The following TENM3 variants were observed in gnomAD, a reference collection of about 807,000 sequenced individuals.
TENM3 encodes teneurin transmembrane protein 3.
Under a neutral mutation model 255.1 loss-of-function variants are expected in TENM3, and 63 were observed. The observed-to-expected ratio is 0.25, with a 90% CI of 0.20 to 0.30. The LOEUF (loss-of-function observed/expected upper bound fraction) is 0.30, where lower values mean the gene tolerates loss of function less well. Among genes scored for constraint, TENM3 ranks in the 10% least tolerant of loss-of-function variants. The pLI is 1.00. For missense variants in TENM3, 2,929 were observed against 3,461.1 expected (o/e 0.85, Z 3.86); for synonymous variants, 1,306 against 1,322.3 (o/e 0.99, Z 0.27).
At chr4:181,600,456 A>G in the TENM3 span, among the ~76,000 whole-genome samples, 5 of 152,138 alleles carry the variant, frequency 3.3e-5, no homozygotes, top group Non-Finnish European at 7.4e-5. Context: ...TTGAGAGAAG[A>G]CTGGACCCTC....
At chr4:181,525,236 C>A in the TENM3 span, among the ~76,000 whole-genome samples, 2 of 151,806 alleles carry the variant, frequency 1.3e-5, no homozygotes, top group Non-Finnish European at 2.9e-5. Context: ...CATGGTGAAA[C>A]CCCGTCTCTA....
intron 3 of TENM3, among the ~76,000 whole-genome samples, chr4:182,456,233 G>C (rs1486255079): frequency 6.6e-6 from 1 of 152,162 alleles, no homozygotes; most frequent in Non-Finnish European, 1.5e-5. Flanking sequence ...TGGCCTGTCC[G>C]TGCTGTCAGC....
Position 182,535,245 on chromosome 4 carries a change from G to A in TENM3, c.512-65679G>A, listed in dbSNP as rs1193224851. ...TGGAAAATAAATTCTCAGTGAGACT[G>A]CTTACTTATTTTCAAACTCTGACCC... On this transcript the variant is annotated intron_variant, in intron 3 of 27. Transcript: ENST00000511685. Among the ~76,000 whole-genome samples, 3 of 152,286 alleles carry A rather than the reference G, an allele frequency of 2.0e-5. No individual in the cohort carries two copies. The East Asian group carries it at 5.8e-4, about 29-fold the overall frequency.
At chr4:181,748,459 C>A in the TENM3 span, among the ~76,000 whole-genome samples, 2 of 152,004 alleles carry the variant, frequency 1.3e-5, no homozygotes, top group African/African-American at 4.8e-5. Context: ...CACTCAAATG[C>A]CATCAAACTC....
intron 1 of TENM3, among the ~76,000 whole-genome samples, chr4:182,272,945 GA>G (rs1759744175): frequency 6.6e-6 from 1 of 152,168 alleles, no homozygotes. Context: ...GCAGGATCTG[GA>G]AGGGTTTTAA....
At chr4:182,069,527 C>T in the TENM3 span, among the ~76,000 whole-genome samples, 1 of 152,108 alleles carries the variant, frequency 6.6e-6, no homozygotes, top group African/African-American at 2.4e-5. Flanking sequence ...ATATGCACCC[C>T]ATTTTTATTT....
At chr4:181,983,257 A>G in the TENM3 span, among the ~76,000 whole-genome samples, 74 of 152,128 alleles carry the variant, frequency 4.9e-4, no homozygotes, top group East Asian at 1.9e-4. Flanking sequence ...AGCACCACAG[A>G]CAGTATATTA....
rs753811126 is a variant in TENM3 at position 182,730,120 on chromosome 4, A to T, written c.2586-80A>T. 8.4e-6 allele frequency: 13 copies of T among 1,553,102 alleles called. 1 individual carries two copies. The highest frequency in any genetic ancestry group is 1.1e-5 in the Non-Finnish European group (13 of 1,136,216). ...CATAGCATAGTGTTATTTTATCCTTAGGTTGAATTATCTATAAATCATGAT... is the reference window on the plus strand; with the variant it reads ...CATAGCATAGTGTTATTTTATCCTTTGGTTGAATTATCTATAAATCATGAT... On this transcript the variant is annotated intron_variant, in intron 14 of 27. Transcript: ENST00000511685.
the TENM3 span, among the ~76,000 whole-genome samples, chr4:182,135,428 C>T: frequency 6.6e-6 from 1 of 152,154 alleles, no homozygotes; most frequent in Non-Finnish European, 1.5e-5. Context: ...AGGTAATTCA[C>T]ACAACTGTGG....
chr4:181,659,455 A>G, the TENM3 span, among the ~76,000 whole-genome samples: 1 of 152,168 alleles, frequency 6.6e-6, no homozygotes, highest in Non-Finnish European at 1.5e-5. Flanking sequence ...TAACAATTCT[A>G]TGGGGAATAG....
chr4:181,451,681 C>A, the TENM3 span, among the ~76,000 whole-genome samples: 1 of 152,096 alleles, frequency 6.6e-6, no homozygotes, highest in African/African-American at 2.4e-5. Flanking sequence ...AAGGGGCCAA[C>A]AATGACTCTC....
chr4:181,886,048 G>GTTTTTTTTTTTT, the TENM3 span, among the ~76,000 whole-genome samples: 1 of 102,540 alleles, frequency 9.8e-6, no homozygotes, highest in Non-Finnish European at 2.0e-5. Flanking sequence ...TTTTTCTTGG[G>GTTTTTTTTTTTT]TTTTTTTTTT....
the TENM3 span, among the ~76,000 whole-genome samples, chr4:182,095,150 T>A: frequency 4.6e-5 from 7 of 152,210 alleles, no homozygotes; most frequent in East Asian, 1.4e-3. Context: ...AGAACCACCA[T>A]ATGATCCAGC....
intron 1 of TENM3, among the ~76,000 whole-genome samples, chr4:182,268,011 G>T (rs1759352147): frequency 6.6e-6 from 1 of 152,192 alleles, no homozygotes; most frequent in South Asian, 2.1e-4. Flanking sequence ...GATGGGTAAT[G>T]TAGAAATCTG....
intron 5 of TENM3, among the ~76,000 whole-genome samples, chr4:182,647,490 C>G (rs1055090944): frequency 2.0e-5 from 3 of 152,196 alleles, no homozygotes; most frequent in African/African-American, 7.2e-5. Context: ...ATTTTTATAA[C>G]TGACTGACTT....
chr4:181,816,404 C>A, the TENM3 span, among the ~76,000 whole-genome samples: 1 of 152,198 alleles, frequency 6.6e-6, no homozygotes, highest in Non-Finnish European at 1.5e-5. Flanking sequence ...CCCCTGCTGT[C>A]TTGACAGTCT....
intron 1 of TENM3, among the ~76,000 whole-genome samples, chr4:182,157,174 T>A (rs886233952): frequency 7.9e-5 from 12 of 152,090 alleles, no homozygotes; most frequent in Non-Finnish European, 1.3e-4. Flanking sequence ...TGCTAACAAA[T>A]AACAAAGGGG....
At chr4:181,954,309 A>G in the TENM3 span, among the ~76,000 whole-genome samples, 1 of 152,196 alleles carries the variant, frequency 6.6e-6, no homozygotes, top group Non-Finnish European at 1.5e-5. Flanking sequence ...TTATTGAGTC[A>G]TATACTAAAT....
chr4:182,612,355 A>G (rs1199841686), intron 4 of TENM3, among the ~76,000 whole-genome samples: 1 of 152,032 alleles, frequency 6.6e-6, no homozygotes, highest in Non-Finnish European at 1.5e-5. Context: ...TTAAACACAC[A>G]CAGAGTTTCA....
Sources: allele counts gnomAD v4.1 joint callset (sites outside exome capture counted in the v4.1 genomes callset), GRCh38; gene constraint gnomAD v4.1.1; transcripts MANE v1.5; gene names NCBI Gene and HGNC (gene_info 2026-07-23, HGNC 2026-07-21).